CLCA4: variants seen among roughly 807,000 people sequenced by gnomAD.
CLCA4 encodes the protein calcium-activated chloride channel regulator 4.
Under a neutral mutation model 78.9 loss-of-function variants are expected in CLCA4, and 69 were observed. The observed-to-expected ratio is 0.87, with a 90% CI of 0.72 to 1.07. The LOEUF is 1.07. Among genes scored for constraint, CLCA4 ranks in the 50% least tolerant of loss-of-function variants. CLCA4 has a pLI of 0.00. For synonymous variants in CLCA4, 362 were observed against 375.8 expected, an observed-to-expected ratio of 0.96 and a Z score of 0.42; for missense variants, 1,133 against 1,095.8, an observed-to-expected ratio of 1.03 and a Z score of -0.48.
chr1:86,557,546 A>C (rs1275899496), intron 1 of CLCA4, among the ~76,000 whole-genome samples: 1 of 152,026 alleles, frequency 6.6e-6, no homozygotes, highest in African/African-American at 2.4e-5. Flanking sequence ...TTACTCTTGA[A>C]TTCTATTTTT....
chr1:86,551,121 G>A (rs1037319224), intron 1 of CLCA4, among the ~76,000 whole-genome samples: 6 of 151,922 alleles, frequency 3.9e-5, no homozygotes, highest in African/African-American at 7.3e-5. Context: ...GTGAGCCACC[G>A]CACCCAGCCT....
intron 6 of CLCA4, among the ~76,000 whole-genome samples, 156 bp from the exon 7 acceptor site, chr1:86,567,268 G>A (rs1415877479): frequency 6.6e-6 from 1 of 151,802 alleles, no homozygotes; most frequent in African/African-American, 2.4e-5. Flanking sequence ...TTTTTTTAAT[G>A]TTATCAATTA....
At chr1:86,560,141 TAA>T (rs1323466571) in intron 2 of CLCA4, 68 bp from the exon 3 acceptor site, 1 of 1,560,840 alleles carries the variant, frequency 6.4e-7, no homozygotes, top group African/African-American at 1.4e-5. Context: ...ACAAATTATT[TAA>T]GAGTCTTTCT....
chr1:86,555,797 C>A (rs559514859), intron 1 of CLCA4, among the ~76,000 whole-genome samples: 20 of 152,250 alleles, frequency 1.3e-4, no homozygotes, highest in African/African-American at 4.6e-4. Context: ...GCAATATAAC[C>A]ATTTTAGTGA....
chr1:86,567,623 T>C lies in CLCA4; in HGVS notation c.1154T>C (p.Ile385Thr). Residue 385 changes from isoleucine to threonine, a missense_variant, in exon 7 of 14, where the codon ATC becomes ACC. Transcript: ENST00000370563. ...ACATATCCTCTGGGAGGAACTTCCA[T>C]CTGCTCTGGAATTAAATATGCATTT... is the stretch of plus-strand genomic sequence containing the variant. ...LPTYPLGGTS[I>T]CSGIKYAFQV... 1 of 1,612,244 alleles carries C rather than the reference T, an allele frequency of 6.2e-7. No individual in the cohort carries two copies. Among genetic ancestry groups the C allele is most frequent in the Non-Finnish European group, 8.5e-7 (1 of 1,178,892 alleles).
At chr1:86,565,024 C>T (rs926058979) in intron 4 of CLCA4, among the ~76,000 whole-genome samples, 2 of 152,044 alleles carry the variant, frequency 1.3e-5, no homozygotes, top group Non-Finnish European at 1.5e-5. Flanking sequence ...GGAGAGAACT[C>T]ATTAGAGGAG....
intron 8 of CLCA4, among the ~76,000 whole-genome samples, chr1:86,571,747 A>G (rs1650357853): frequency 6.6e-6 from 1 of 152,070 alleles, no homozygotes; most frequent in Admixed American, 6.6e-5. Context: ...GGTGTATGTG[A>G]TTAACAGAAG....
At chr1:86,565,164 T>C (rs1650139572) in intron 4 of CLCA4, 110 bp from the exon 5 acceptor site, 4 of 683,718 alleles carry the variant, frequency 5.9e-6, no homozygotes, top group South Asian at 2.2e-5. Context: ...CATGGTACCA[T>C]AGAAGAATAA....
At chr1:86,553,304 G>C in intron 1 of CLCA4, 1 of 679,760 alleles carries the variant, frequency 1.5e-6, no homozygotes. Context: ...CGTCTTCCTG[G>C]TGGCCAACAC....
At chr1:86,566,162 C>T in intron 6 of CLCA4, 142 bp downstream of exon 6, 1 of 558,098 alleles carries the variant, frequency 1.8e-6, no homozygotes, top group Non-Finnish European at 2.9e-6. Context: ...CTTCAAGATA[C>T]TGCAGCAAAA....
chr1:86,559,880 T>C, intron 1 of CLCA4, 52 bp from the exon 2 acceptor site: 1 of 1,452,274 alleles, frequency 6.9e-7, no homozygotes, highest in Non-Finnish European at 9.4e-7. Flanking sequence ...ACCCTGCTAA[T>C]TTAGTTCACT....
rs753957732 is a variant in CLCA4, at chr1:86,547,165, C to T, written c.46C>T (p.Leu16=). ...GFVFLLVLCL[L]HQSNTSFIKL... is the part of the protein sequence containing the mutation. ...TGTTTTCCTCTTAGTTCTGTGCCTG[C>T]TGCACCAGTCAAATACTTCCTTCAT... The change falls in exon 1 of 14, where the codon CTG becomes TTG. Residue 16 remains leucine, a synonymous_variant. Transcript: ENST00000370563. The T allele has an allele frequency of 6.2e-7, 1 of 1,612,084 alleles. No homozygotes were observed. Among genetic ancestry groups the T allele is most frequent in the Non-Finnish European group, 8.5e-7 (1 of 1,179,316 alleles).
intron 1 of CLCA4, chr1:86,552,695 G>A: frequency 1.7e-6 from 2 of 1,185,142 alleles, no homozygotes; most frequent in Non-Finnish European, 2.5e-6. Flanking sequence ...GGGGCACGGG[G>A]TGACCGGAGC....
At position 86,580,348 on chromosome 1, in the gene CLCA4, C is replaced by G; in HGVS notation, c.*3C>G. ...TTATTTTAAGTACCACCATTTGAACCTTAACGAAGAAAAAAATCTTCAAGT... is the reference window on the plus strand; with the variant it reads ...TTATTTTAAGTACCACCATTTGAACGTTAACGAAGAAAAAAATCTTCAAGT... On this transcript the variant is annotated 3_prime_UTR_variant, in exon 14 of 14. Coordinates refer to ENST00000370563, the MANE Select transcript of CLCA4 (RefSeq NM_012128.4). 1 of 1,553,684 alleles carries G rather than the reference C, an allele frequency of 6.4e-7. No individual in the cohort carries two copies. The highest frequency in any genetic ancestry group is 8.6e-7 in the Non-Finnish European group (1 of 1,156,660).
chr1:86,564,402 G>A (rs1031907778), intron 4 of CLCA4, among the ~76,000 whole-genome samples: 8 of 152,078 alleles, frequency 5.3e-5, no homozygotes, highest in African/African-American at 9.7e-5. Flanking sequence ...CTGCCCCATT[G>A]CACCAATTTT....
intron 1 of CLCA4, among the ~76,000 whole-genome samples, chr1:86,557,097 T>C (rs777681917): frequency 6.6e-6 from 1 of 152,182 alleles, no homozygotes; most frequent in African/African-American, 2.4e-5. Flanking sequence ...TCTTATTTAT[T>C]AGTCTAGCTG....
At chr1:86,556,941 G>C (rs1020697755) in intron 1 of CLCA4, among the ~76,000 whole-genome samples, 2 of 152,098 alleles carry the variant, frequency 1.3e-5, no homozygotes, top group Admixed American at 1.3e-4. Flanking sequence ...ATGGGTCCAG[G>C]AATTTATCCA....
chr1:86,559,937 G>A lies in CLCA4; in HGVS notation c.165G>A (p.Met55Ile). 1 of 1,593,806 alleles carries A rather than the reference G, an allele frequency of 6.3e-7. No individual in the cohort carries two copies. The highest frequency in any genetic ancestry group is 8.5e-7 in the Non-Finnish European group (1 of 1,173,448). ...ATTTTTTCCTTTAATGACAGGATAT[G>A]GTGACTACAGCTTCTACGTACCTGT... ...DEKIIEQIED[M>I]VTTASTYLFE... The change falls in exon 2 of 14, where the codon ATG becomes ATA. Residue 55 changes from methionine (M) to isoleucine (I), a missense_variant. Physicochemically the swap from Met to Ile is conservative, Grantham distance 10. Transcript: ENST00000370563.
At chr1:86,555,031 C>T (rs1462159655) in intron 1 of CLCA4, among the ~76,000 whole-genome samples, 2 of 152,034 alleles carry the variant, frequency 1.3e-5, no homozygotes, top group East Asian at 1.9e-4. Context: ...TGTTCATGTC[C>T]TTTGCCCACT....
Sources: gnomAD v4.1 joint callset for allele counts (sites outside exome capture counted in the v4.1 genomes callset) on GRCh38, gnomAD v4.1.1 for gene constraint, MANE v1.5 for transcripts, NCBI Gene and HGNC (gene_info 2026-07-23, HGNC 2026-07-21) for gene names.